The following NCKAP5 variants were observed in gnomAD, a reference collection of about 807,000 sequenced individuals.
NCKAP5 encodes the protein NCK associated protein 5.
Under a neutral mutation model 167.0 loss-of-function variants are expected in NCKAP5, and 92 were observed. The ratio of observed to expected loss-of-function variants is 0.55; its 90% CI spans 0.47 to 0.66. NCKAP5 has a LOEUF of 0.66. Ranked by LOEUF, NCKAP5 falls within the 30% of genes least tolerant of loss-of-function variation. The probability of loss-of-function intolerance (pLI) is 0.00; values close to 1 mark genes in which losing one functional copy is unlikely to be tolerated. For synonymous variants in NCKAP5, 891 were observed against 877.4 expected, an observed-to-expected ratio of 1.02 and a Z score of -0.27; for missense variants, 2,378 against 2,315.0, an observed-to-expected ratio of 1.03 and a Z score of -0.56.
chr2:132,746,619 C>T (rs1679668411), intron 16 of NCKAP5, among the ~76,000 whole-genome samples: 1 of 152,104 alleles, frequency 6.6e-6, no homozygotes, highest in African/African-American at 2.4e-5. Context: ...TCATGCAACA[C>T]AGCTATAATA....
At chr2:132,751,409 C>G (rs1285448951) in intron 16 of NCKAP5, among the ~76,000 whole-genome samples, 1 of 152,138 alleles carries the variant, frequency 6.6e-6, no homozygotes, top group East Asian at 1.9e-4. Flanking sequence ...GCCAAATAAA[C>G]CTGTTTTCTT....
intron 16 of NCKAP5, among the ~76,000 whole-genome samples, chr2:132,766,960 C>T (rs1167834580): frequency 6.6e-6 from 1 of 152,164 alleles, no homozygotes; most frequent in Admixed American, 6.5e-5. Context: ...ATGATAAACG[C>T]TTATAAGAAC....
At chr2:133,164,099 C>T (rs1406531743) in intron 5 of NCKAP5, among the ~76,000 whole-genome samples, 2 of 152,122 alleles carry the variant, frequency 1.3e-5, no homozygotes, top group Non-Finnish European at 2.9e-5. Flanking sequence ...AGCCCACAGG[C>T]GAGAAGTCAA....
At chr2:133,576,338 C>T in the NCKAP5 span, among the ~76,000 whole-genome samples, 1 of 152,192 alleles carries the variant, frequency 6.6e-6, no homozygotes, top group African/African-American at 2.4e-5. Flanking sequence ...ATGGGGTGTT[C>T]ACAGAAAATA....
chr2:132,897,774 G>A (rs1693318776), intron 8 of NCKAP5, among the ~76,000 whole-genome samples: 1 of 152,166 alleles, frequency 6.6e-6, no homozygotes, highest in South Asian at 2.1e-4. Context: ...GTATGCAACA[G>A]CCTTATGTCC....
chr2:133,516,812 A>G (rs1420778313), intron 3 of NCKAP5, among the ~76,000 whole-genome samples: 1 of 152,252 alleles, frequency 6.6e-6, no homozygotes, highest in Non-Finnish European at 1.5e-5. Context: ...CTCTGTTCAC[A>G]CGCATTGCGT....
At chr2:132,857,060 A>C (rs766688575) in intron 11 of NCKAP5, among the ~76,000 whole-genome samples, 4 of 152,162 alleles carry the variant, frequency 2.6e-5, no homozygotes, top group Non-Finnish European at 4.4e-5. Flanking sequence ...AAGTTTGTAG[A>C]ATAGAGTCTG....
chr2:133,322,990 G>A (rs953583588), intron 3 of NCKAP5, among the ~76,000 whole-genome samples: 1 of 152,166 alleles, frequency 6.6e-6, no homozygotes, highest in African/African-American at 2.4e-5. Flanking sequence ...GGTCTTTAGG[G>A]CCTCTAGGAT....
At chr2:133,078,357 T>G (rs1271864738) in intron 6 of NCKAP5, among the ~76,000 whole-genome samples, 1 of 152,180 alleles carries the variant, frequency 6.6e-6, no homozygotes, top group Non-Finnish European at 1.5e-5. Flanking sequence ...TCAGTGCATC[T>G]GTAAACTCAC....
chr2:133,567,521 C>T (rs568089144), intron 1 of NCKAP5, among the ~76,000 whole-genome samples: 1 of 152,178 alleles, frequency 6.6e-6, no homozygotes, highest in Non-Finnish European at 1.5e-5. Context: ...AGTACATTAA[C>T]TTGGGTTCCA....
chr2:133,276,409 A>AT (rs1158326227), intron 4 of NCKAP5, among the ~76,000 whole-genome samples: 1 of 152,138 alleles, frequency 6.6e-6, no homozygotes, highest in Non-Finnish European at 1.5e-5. Flanking sequence ...ACAAATGGGA[A>AT]CTAACTACAG....
At chr2:133,226,604 A>AACACACACACACAC (rs3051222) in intron 4 of NCKAP5, among the ~76,000 whole-genome samples, 5,396 of 139,170 alleles carry the variant, frequency 0.039, 156 homozygotes, top group Non-Finnish European at 0.051. Context: ...TTTGAAGATA[A>AACACACACACACAC]ACACACACAC....
chr2:133,154,709 G>A (rs971495247), intron 5 of NCKAP5, among the ~76,000 whole-genome samples: 2 of 152,172 alleles, frequency 1.3e-5, no homozygotes, highest in Admixed American at 6.5e-5. Context: ...TCTGAGGAGC[G>A]TCACAATGGT....
chr2:133,460,977 T>C (rs1692164846), intron 3 of NCKAP5, among the ~76,000 whole-genome samples: 2 of 152,190 alleles, frequency 1.3e-5, no homozygotes, highest in South Asian at 2.1e-4. Context: ...TCTATTAAAA[T>C]GATTTTTCTA....
chr2:133,096,977 A>G (rs1299820989), intron 6 of NCKAP5, among the ~76,000 whole-genome samples: 1 of 152,188 alleles, frequency 6.6e-6, no homozygotes. Context: ...TATTGTACTT[A>G]TGTCCCTAAT....
At chr2:132,860,775 C>T (rs954245923) in intron 10 of NCKAP5, among the ~76,000 whole-genome samples, 164 bp from the exon 11 acceptor site, 8 of 152,278 alleles carry the variant, frequency 5.3e-5, no homozygotes, top group Non-Finnish European at 8.8e-5. Flanking sequence ...AGACCATTGT[C>T]TGATAGAATT....
In NCKAP5 at chr2:133,064,240, A is replaced by T. The variant is rs553900581; in HGVS notation, c.341+65738T>A. On this transcript the variant is annotated intron_variant, in intron 6 of 19. Transcript: ENST00000409261. ...CAAAACTGTATATAAACAAATTTGC[A>T]ATGTTCTATCAAGTTAGAGTGCAAA... is the stretch of plus-strand genomic sequence containing the variant. 1.9e-3 allele frequency among the ~76,000 whole-genome samples: 284 copies of T among 152,354 alleles called. 3 individuals are homozygous for T. The highest frequency in any genetic ancestry group is 6.6e-3 in the African/African-American group (275 of 41,584).
At chr2:133,557,855 T>G (rs1687853846) in intron 2 of NCKAP5, among the ~76,000 whole-genome samples, 1 of 152,206 alleles carries the variant, frequency 6.6e-6, no homozygotes, top group African/African-American at 2.4e-5. Context: ...TGCCCTTGCA[T>G]GCAGCCCAGC....
chr2:133,500,682 T>G (rs768111724), intron 3 of NCKAP5, among the ~76,000 whole-genome samples: 1 of 152,218 alleles, frequency 6.6e-6, no homozygotes, highest in Non-Finnish European at 1.5e-5. Flanking sequence ...CTTGACACAC[T>G]TGAAAGAAAT....
Sources: gnomAD v4.1 joint callset for allele counts (sites outside exome capture counted in the v4.1 genomes callset) on GRCh38, gnomAD v4.1.1 for gene constraint, MANE v1.5 for transcripts, NCBI Gene and HGNC (gene_info 2026-07-23, HGNC 2026-07-21) for gene names.